Variants in ADAM9 observed in about 807,000 individuals in gnomAD.
ADAM9 encodes disintegrin and metalloproteinase domain-containing protein 9.
In ADAM9, 54 loss-of-function variants were observed where a neutral mutation model predicts 108.1. The ratio of observed to expected loss-of-function variants is 0.50; its 90% CI spans 0.40 to 0.63. The LOEUF (loss-of-function observed/expected upper bound fraction) is 0.63, where lower values mean the gene tolerates loss of function less well. ADAM9 is among the 20% of genes least tolerant of loss of function. ADAM9 has a pLI of 0.00. For missense variants in ADAM9, 830 were observed against 997.7 expected, an observed-to-expected ratio of 0.83 and a Z score of 2.26; for synonymous variants, 316 against 336.0, an observed-to-expected ratio of 0.94 and a Z score of 0.65.
rs192928956 is a variant in ADAM9 at position 39,031,130 on chromosome 8, G to A, written c.1130+4320G>A. 5.7e-4 allele frequency among the ~76,000 whole-genome samples: 87 copies of A among 152,154 alleles called. 1 individual carries two copies. Among genetic ancestry groups the A allele is most frequent in the African/African-American group, 2.0e-3 (84 of 41,512 alleles). On this transcript the variant is annotated intron_variant, in intron 11 of 21. Coordinates refer to ENST00000487273, the MANE Select transcript of ADAM9 (RefSeq NM_003816.3). ...TTTGTGTTGTATCTAAAAAATAATT[G>A]CCATATCCAAGATGATCTAGGTTTT...
intron 6 of ADAM9, among the ~76,000 whole-genome samples, chr8:39,018,217 G>A (rs753236450): frequency 1.0e-3 from 152 of 152,310 alleles, no homozygotes; most frequent in Middle Eastern, 6.8e-3. Context: ...TTTTAATTAA[G>A]TTATACTAGT....
chr8:39,025,691 TCCTGCCA>T, intron 9 of ADAM9, 105 bp from the exon 10 acceptor site: 1 of 996,526 alleles, frequency 1.0e-6, no homozygotes, highest in Non-Finnish European at 1.5e-6. Flanking sequence ...TTTGCCATTT[TCCTGCCA>T]TGTTTTGTAG....
intron 7 of ADAM9, 80 bp from the exon 8 acceptor site, chr8:39,021,563 C>T: frequency 2.4e-6 from 3 of 1,253,188 alleles, no homozygotes; most frequent in Non-Finnish European, 3.5e-6. Context: ...GAATTACAGG[C>T]ATGAGGTACT....
At chr8:39,033,675 A>G (rs1239705355) in intron 11 of ADAM9, among the ~76,000 whole-genome samples, 1 of 152,050 alleles carries the variant, frequency 6.6e-6, no homozygotes, top group Non-Finnish European at 1.5e-5. Flanking sequence ...TTTCCATACC[A>G]CTGAGAAAGA....
intron 12 of ADAM9, among the ~76,000 whole-genome samples, chr8:39,044,498 T>G (rs1337002091): frequency 7.9e-5 from 12 of 152,186 alleles, no homozygotes; most frequent in African/African-American, 1.2e-4. Flanking sequence ...GTTTGTTACA[T>G]GGGTATATTG....
chr8:39,071,673 G>T lies in ADAM9; in HGVS notation c.1697+270G>T, dbSNP rs538290550. ...GTAGAGATGGGGTTTCACCATGTTG[G>T]CCAGGATGGTCTTGATCTCCTGACT... is the stretch of plus-strand genomic sequence containing the variant. On this transcript the variant is annotated intron_variant, in intron 15 of 21. Coordinates refer to ENST00000487273, the MANE Select transcript of ADAM9 (RefSeq NM_003816.3). Among the ~76,000 whole-genome samples, 67 of 152,174 alleles carry T rather than the reference G, an allele frequency of 4.4e-4. 1 individual carries two copies. In the South Asian group the frequency reaches 0.013, roughly 29 times the overall value.
chr8:39,057,348 A>T (rs1234447777), intron 14 of ADAM9, among the ~76,000 whole-genome samples: 1 of 148,608 alleles, frequency 6.7e-6, no homozygotes, highest in East Asian at 1.9e-4. Context: ...TATATATAAT[A>T]TATAATTTAC....
At chr8:39,047,885 G>GTT (rs1023177637) in intron 12 of ADAM9, among the ~76,000 whole-genome samples, 1 of 138,340 alleles carries the variant, frequency 7.2e-6, no homozygotes, top group African/African-American at 2.6e-5. Context: ...GTTTATTTGA[G>GTT]TTTTTTTTTT....
intron 12 of ADAM9, among the ~76,000 whole-genome samples, chr8:39,047,193 T>C (rs1837802814): frequency 6.6e-6 from 1 of 152,224 alleles, no homozygotes; most frequent in South Asian, 2.1e-4. Context: ...CTGCTGAATT[T>C]GGTTTGCTAG....
At chr8:39,099,031 T>G (rs553670749) in intron 20 of ADAM9, among the ~76,000 whole-genome samples, 1 of 152,236 alleles carries the variant, frequency 6.6e-6, no homozygotes, top group East Asian at 1.9e-4. Context: ...GGGTGTGTGG[T>G]AAGAATTTCT....
At chr8:39,045,570 G>GTATATATATATATATATATATATATA (rs146208883) in intron 12 of ADAM9, among the ~76,000 whole-genome samples, 1 of 95,194 alleles carries the variant, frequency 1.1e-5, no homozygotes, top group African/African-American at 3.2e-5. Flanking sequence ...GTGTGTGTGT[G>GTATATATATATATATATATATATATA]TATATATATA....
intron 12 of ADAM9, among the ~76,000 whole-genome samples, chr8:39,052,378 T>C (rs1837985407): frequency 2.6e-5 from 4 of 152,244 alleles, no homozygotes; most frequent in East Asian, 1.9e-4. Flanking sequence ...TCCTTTGTTA[T>C]ATATGTTCTA....
At chr8:39,037,968 C>G (rs532157904) in intron 11 of ADAM9, among the ~76,000 whole-genome samples, 1 of 152,246 alleles carries the variant, frequency 6.6e-6, no homozygotes, top group East Asian at 1.9e-4. Context: ...TAACTCCTTC[C>G]TTCTAGTATC....
intron 11 of ADAM9, among the ~76,000 whole-genome samples, chr8:39,034,728 A>C (rs1837212919): frequency 6.6e-6 from 1 of 151,696 alleles, no homozygotes; most frequent in Admixed American, 6.6e-5. Flanking sequence ...TGTTGTTGAG[A>C]TGTCAAGGTG....
chr8:39,004,071 A>T (rs577378277), intron 1 of ADAM9, among the ~76,000 whole-genome samples: 1 of 152,202 alleles, frequency 6.6e-6, no homozygotes, highest in Admixed American at 6.5e-5. Flanking sequence ...CTGCCTGCCC[A>T]TAAGAACTAC....
intron 13 of ADAM9, among the ~76,000 whole-genome samples, 198 bp downstream of exon 13, chr8:39,054,771 A>T (rs1838065983): frequency 6.6e-6 from 1 of 152,136 alleles, no homozygotes; most frequent in African/African-American, 2.4e-5. Context: ...ATTGTTTTCT[A>T]AGTAGAAACA....
At chr8:39,054,084 T>C (rs1838038128) in intron 12 of ADAM9, among the ~76,000 whole-genome samples, 1 of 152,150 alleles carries the variant, frequency 6.6e-6, no homozygotes, top group African/African-American at 2.4e-5. Flanking sequence ...GGAAGGGCTA[T>C]GTCAGCACAC....
intron 10 of ADAM9, among the ~76,000 whole-genome samples, 196 bp from the exon 11 acceptor site, chr8:39,026,481 A>T (rs1836926189): frequency 6.6e-6 from 1 of 152,192 alleles, no homozygotes; most frequent in Non-Finnish European, 1.5e-5. Flanking sequence ...TGAAGGATCC[A>T]TGTCCATCAC....
chr8:39,000,703 G>A (rs774656747), intron 1 of ADAM9, among the ~76,000 whole-genome samples: 1 of 152,182 alleles, frequency 6.6e-6, no homozygotes, highest in Non-Finnish European at 1.5e-5. Context: ...CTGGGCTCAA[G>A]TGTTCCTCCT....
Sources: allele counts gnomAD v4.1 joint callset (sites outside exome capture counted in the v4.1 genomes callset), GRCh38; gene constraint gnomAD v4.1.1; transcripts MANE v1.5; gene names NCBI Gene and HGNC (gene_info 2026-07-23, HGNC 2026-07-21).